SCUBE1: variants seen among roughly 807,000 people sequenced by gnomAD.
SCUBE1 encodes the protein signal peptide, CUB and EGF-like domain-containing protein 1.
In SCUBE1, 59 loss-of-function variants were observed where a neutral mutation model predicts 124.4. The observed-to-expected ratio is 0.47, with a 90% confidence interval of 0.38 to 0.59. The LOEUF is 0.59. Among genes scored for constraint, SCUBE1 ranks in the 20% least tolerant of loss-of-function variants. The pLI, the probability that SCUBE1 is intolerant of heterozygous loss-of-function variation, is 0.00. For synonymous variants in SCUBE1, 545 were observed against 550.9 expected (o/e 0.99, Z 0.15); for missense variants, 1,150 against 1,371.2 (o/e 0.84, Z 2.55).
chr22:43,284,380 T>G lies in SCUBE1; in HGVS notation c.484+6666A>C, dbSNP rs545277902. Among the ~76,000 whole-genome samples the G allele has an allele frequency of 7.9e-5, 12 of 152,344 alleles. No individual in the cohort carries two copies. In the South Asian group the frequency reaches 2.5e-3, roughly 32 times the overall value. On this transcript the variant is annotated intron_variant, in intron 4 of 21. Coordinates refer to ENST00000360835, the MANE Select transcript of SCUBE1 (RefSeq NM_173050.5). ...CACAAGATGTCTTTTGAACTCTAGG[T>G]GCTTAAAGAGGCATACTCGGTACCT...
intron 7 of SCUBE1, among the ~76,000 whole-genome samples, chr22:43,236,123 T>A (rs892944763): frequency 2.6e-5 from 4 of 152,124 alleles, no homozygotes; most frequent in Non-Finnish European, 5.9e-5. Flanking sequence ...TCCTTTGAGA[T>A]CCTCCCCAGA....
At chr22:43,273,469 G>A (rs944338323) in intron 4 of SCUBE1, among the ~76,000 whole-genome samples, 1 of 151,886 alleles carries the variant, frequency 6.6e-6, no homozygotes, top group Non-Finnish European at 1.5e-5. Context: ...ATTCGACAGC[G>A]CTGATTTGCG....
chr22:43,338,993 T>G, intron 2 of SCUBE1, 111 bp downstream of exon 2: 1 of 1,272,610 alleles, frequency 7.9e-7, no homozygotes, highest in Non-Finnish European at 1.1e-6. Context: ...GCAACCACAA[T>G]GGTGGTGCTG....
intron 4 of SCUBE1, among the ~76,000 whole-genome samples, chr22:43,267,797 G>A (rs1924132569): frequency 6.6e-6 from 1 of 152,198 alleles, no homozygotes; most frequent in Non-Finnish European, 1.5e-5. Flanking sequence ...TCTCCCAGAG[G>A]GGCCATCTGA....
At chr22:43,304,407 G>A (rs115538389) in intron 3 of SCUBE1, among the ~76,000 whole-genome samples, 126 of 152,328 alleles carry the variant, frequency 8.3e-4, no homozygotes, top group African/African-American at 2.9e-3. Flanking sequence ...AAAGAGAGGT[G>A]GTGAGGACAC....
intron 4 of SCUBE1, among the ~76,000 whole-genome samples, chr22:43,285,674 C>T (rs191623861): frequency 5.3e-5 from 8 of 152,062 alleles, no homozygotes; most frequent in African/African-American, 1.7e-4. Context: ...GTAGACAGGG[C>T]GGGGTGAGGA....
intron 4 of SCUBE1, among the ~76,000 whole-genome samples, chr22:43,278,952 A>G (rs1924647786): frequency 6.6e-6 from 1 of 152,052 alleles, no homozygotes; most frequent in Admixed American, 6.5e-5. Flanking sequence ...GTGGGCTGAG[A>G]CAGGTTTGGG....
intron 4 of SCUBE1, among the ~76,000 whole-genome samples, chr22:43,289,379 G>A (rs947220337): frequency 1.1e-4 from 17 of 152,212 alleles, no homozygotes; most frequent in Admixed American, 2.0e-4. Context: ...CCTGATGCCC[G>A]GGAGCCACCT....
chr22:43,205,147 A>T (rs1921169649), intron 21 of SCUBE1, among the ~76,000 whole-genome samples: 1 of 152,236 alleles, frequency 6.6e-6, no homozygotes, highest in South Asian at 2.1e-4. Flanking sequence ...TTCCCTGCAC[A>T]GAGAGGTCAC....
At chr22:43,326,465 C>T (rs965121451) in intron 2 of SCUBE1, among the ~76,000 whole-genome samples, 11 of 151,978 alleles carry the variant, frequency 7.2e-5, no homozygotes, top group African/African-American at 2.7e-4. Flanking sequence ...AGGATTAAGC[C>T]CCTGTCTCCG....
At chr22:43,307,708 C>G (rs1291473257) in intron 3 of SCUBE1, among the ~76,000 whole-genome samples, 1 of 152,200 alleles carries the variant, frequency 6.6e-6, no homozygotes, top group Non-Finnish European at 1.5e-5. Flanking sequence ...GTCTCCCGTT[C>G]AGCCACAGCG....
At chr22:43,224,773 C>T (rs951324486) in intron 10 of SCUBE1, among the ~76,000 whole-genome samples, 4 of 152,108 alleles carry the variant, frequency 2.6e-5, no homozygotes, top group Non-Finnish European at 4.4e-5. Flanking sequence ...GGAACCGGAA[C>T]GTCATGCTAA....
In SCUBE1 at chr22:43,210,845, A is replaced by C. The variant is rs1184688946; in HGVS notation, c.2383+77T>G. On this transcript the variant is annotated intron_variant, in intron 18 of 21. Transcript: ENST00000360835. The surrounding 1 kb of genome is among the most constrained non-coding windows in gnomAD (Gnocchi z 4.5). ...GTCCTCGTGGAGCTCGTGTGAGATC[A>C]GGTCTCCTCCCGCCCCCACAACCTG... The C allele has an allele frequency of 6.6e-7, 1 of 1,522,016 alleles. No individual in the cohort carries two copies. The highest frequency in any genetic ancestry group is 1.4e-5 in the African/African-American group (1 of 73,190). 94.3% of individuals were successfully genotyped at this position (1,522,016 alleles called of 1,614,324 possible).
chr22:43,304,069 T>G (rs1173917257), intron 3 of SCUBE1, among the ~76,000 whole-genome samples: 2 of 152,222 alleles, frequency 1.3e-5, no homozygotes, highest in African/African-American at 4.8e-5. Context: ...CCTTTTCATT[T>G]AAGGGATTAT....
chr22:43,236,039 T>A (rs1922748888), intron 7 of SCUBE1, among the ~76,000 whole-genome samples: 1 of 152,208 alleles, frequency 6.6e-6, no homozygotes, highest in African/African-American at 2.4e-5. Context: ...CGCTGTGACC[T>A]TTGTTCTCCA....
At chr22:43,319,101 T>C (rs1344910067) in intron 3 of SCUBE1, among the ~76,000 whole-genome samples, 1 of 152,182 alleles carries the variant, frequency 6.6e-6, no homozygotes, top group Non-Finnish European at 1.5e-5. Context: ...ATGGGCCAAA[T>C]TGTGTCACTT....
chr22:43,273,561 C>CTCTTTTTTT (rs1924374504), intron 4 of SCUBE1, among the ~76,000 whole-genome samples: 13 of 60,952 alleles, frequency 2.1e-4, no homozygotes, highest in Non-Finnish European at 3.5e-4. Flanking sequence ...CTAAAACCCT[C>CTCTTTTTTT]TTTTTTTTTT....
chr22:43,282,125 TG>T (rs1924938735), intron 4 of SCUBE1: 1 of 152,966 alleles, frequency 6.5e-6, no homozygotes, highest in Non-Finnish European at 1.5e-5. Context: ...GGAGAGGCAG[TG>T]GCCCCAGGGT....
Position 43,320,057 on chromosome 22 carries a change from C to G in SCUBE1, c.229G>C (p.Glu77Gln). Residue 77 changes from glutamate (E) to glutamine (Q), a missense_variant, in exon 3 of 22, where the codon GAG becomes CAG. Physicochemically the swap from Glu to Gln is conservative, Grantham distance 29 (BLOSUM62 2). Coordinates refer to ENST00000360835, the MANE Select transcript of SCUBE1 (RefSeq NM_173050.5). The part of the protein sequence containing the change: ...GEGKQCEDID[E>Q]CENDYYNGGC... ...CCATTGTAGTAGTCATTCTCACACT[C>G]GTCAATGTCTGCAAAAGGAAGGGCA... 1 of 1,613,960 alleles carries G rather than the reference C, an allele frequency of 6.2e-7. No homozygotes were observed. The highest frequency in any genetic ancestry group is 8.5e-7 in the Non-Finnish European group (1 of 1,179,920).
Sources: allele counts gnomAD v4.1 joint callset (sites outside exome capture counted in the v4.1 genomes callset), GRCh38; gene constraint gnomAD v4.1.1; non-coding constraint Gnocchi (gnomAD v3.1); transcripts MANE v1.5; gene names NCBI Gene and HGNC (gene_info 2026-07-23, HGNC 2026-07-21).